NWD2: variants seen among roughly 807,000 people sequenced by gnomAD.
The protein encoded by NWD2 is NACHT and WD repeat domain-containing protein 2.
In NWD2, 37 loss-of-function variants were observed where a neutral mutation model predicts 132.7. The ratio of observed to expected loss-of-function variants is 0.28; its 90% CI spans 0.21 to 0.37. The LOEUF is 0.37. Among genes scored for constraint, NWD2 ranks in the 10% least tolerant of loss-of-function variants. NWD2 has a pLI of 1.00. For missense variants in NWD2, 1,592 were observed against 2,122.4 expected (o/e 0.75, Z 4.91); for synonymous variants, 705 against 803.0 (o/e 0.88, Z 2.06).
chr4:37,420,598 G>A (rs565288927), intron 3 of NWD2, among the ~76,000 whole-genome samples: 385 of 152,300 alleles, frequency 2.5e-3, no homozygotes, highest in Middle Eastern at 0.024. Context: ...CAGGAGAATC[G>A]CTTGAACCCA....
rs924128070 is a variant in NWD2, at chr4:37,410,338, A to G, written c.358-20234A>G. Among the ~76,000 whole-genome samples, 36 of 152,282 alleles carry G rather than the reference A, an allele frequency of 2.4e-4. 1 individual carries two copies. Among genetic ancestry groups the G allele is most frequent in the Non-Finnish European group, 4.4e-4 (30 of 68,022 alleles). Reference sequence around the variant, plus strand: ...ACCAAGCAAATGGAAAGCAAAAAAAAGGCAGGAGTTGCAATCCTAATCTGT... The same window carrying G: ...ACCAAGCAAATGGAAAGCAAAAAAAGGGCAGGAGTTGCAATCCTAATCTGT... On this transcript the variant is annotated intron_variant, in intron 3 of 6. Coordinates refer to ENST00000309447, the MANE Select transcript of NWD2 (RefSeq NM_001144990.2).
At position 37,381,136 on chromosome 4, in the gene NWD2, G is replaced by T. The variant is rs140492495; in HGVS notation, c.357+24654G>T. Among the ~76,000 whole-genome samples the T allele has an allele frequency of 2.0e-3, 307 of 152,218 alleles. 1 individual carries two copies. The highest frequency in any genetic ancestry group is 3.9e-3 in the South Asian group (19 of 4,826). Reference sequence around the variant, plus strand: ...CCCCCAAGCCCTAGCCCCACCCCAAGAAGCCTGAAATGTGCCCTGTGGAGG... The same window carrying T: ...CCCCCAAGCCCTAGCCCCACCCCAATAAGCCTGAAATGTGCCCTGTGGAGG... On this transcript the variant is annotated intron_variant, in intron 3 of 6. Coordinates refer to ENST00000309447, the MANE Select transcript of NWD2 (RefSeq NM_001144990.2).
At chr4:37,330,016 T>A (rs571534430) in intron 2 of NWD2, among the ~76,000 whole-genome samples, 105 of 152,348 alleles carry the variant, frequency 6.9e-4, no homozygotes, top group African/African-American at 2.5e-3. Context: ...GTTCAGTCTT[T>A]ATTCAATTAA....
intron 3 of NWD2, among the ~76,000 whole-genome samples, chr4:37,365,675 A>C (rs563065225): frequency 6.6e-5 from 10 of 152,330 alleles, no homozygotes; most frequent in African/African-American, 2.4e-4. Flanking sequence ...AACATGGAAA[A>C]TTAGCTTTCT....
chr4:37,283,778 A>G (rs1718174545), intron 1 of NWD2, among the ~76,000 whole-genome samples: 1 of 152,160 alleles, frequency 6.6e-6, no homozygotes, highest in Non-Finnish European at 1.5e-5. Flanking sequence ...GAAAACCAGT[A>G]TCTCTGGGGA....
chr4:37,348,675 T>TATACACACACACACACACAC (rs1308407988), intron 2 of NWD2, among the ~76,000 whole-genome samples: 4 of 22,574 alleles, frequency 1.8e-4, no homozygotes, highest in African/African-American at 7.2e-4. Flanking sequence ...TATATATATA[T>TATACACACACACACACACAC]ACACACACAC....
intron 1 of NWD2, among the ~76,000 whole-genome samples, chr4:37,264,746 TTATG>T (rs1321572911): frequency 6.6e-6 from 1 of 152,092 alleles, no homozygotes; most frequent in Non-Finnish European, 1.5e-5. Context: ...CAGTTATAGT[TTATG>T]TAAACATTTA....
chr4:37,323,284 T>C (rs1250564777), intron 1 of NWD2, among the ~76,000 whole-genome samples: 1 of 152,102 alleles, frequency 6.6e-6, no homozygotes, highest in African/African-American at 2.4e-5. Context: ...TGGAAGAAAA[T>C]ATTCACAAAC....
chr4:37,405,981 T>C (rs1486215610), intron 3 of NWD2, among the ~76,000 whole-genome samples: 1 of 152,210 alleles, frequency 6.6e-6, no homozygotes, highest in Non-Finnish European at 1.5e-5. Flanking sequence ...TGTAATTTCT[T>C]CACTAATTAA....
intron 2 of NWD2, among the ~76,000 whole-genome samples, chr4:37,352,532 G>T (rs1719790686): frequency 6.6e-6 from 1 of 152,218 alleles, no homozygotes; most frequent in Admixed American, 6.5e-5. Context: ...CTTGCTTTAT[G>T]AATCTGGGTG....
At chr4:37,331,927 T>C (rs1719301184) in intron 2 of NWD2, among the ~76,000 whole-genome samples, 2 of 152,236 alleles carry the variant, frequency 1.3e-5, no homozygotes, top group South Asian at 4.1e-4. Context: ...TTACTGCCCC[T>C]GTCACAGCAG....
intron 2 of NWD2, among the ~76,000 whole-genome samples, chr4:37,330,669 A>G (rs914266051): frequency 6.6e-6 from 1 of 152,182 alleles, no homozygotes; most frequent in Non-Finnish European, 1.5e-5. Flanking sequence ...CTTGAGGAAG[A>G]GACTGGTTCT....
intron 5 of NWD2, among the ~76,000 whole-genome samples, chr4:37,436,699 G>A (rs946555302): frequency 2.6e-5 from 4 of 152,104 alleles, no homozygotes; most frequent in African/African-American, 9.7e-5. Flanking sequence ...GATGCTCTCA[G>A]AATGTAGCAA....
chr4:37,343,983 A>G (rs1042727198), intron 2 of NWD2, among the ~76,000 whole-genome samples: 1 of 152,176 alleles, frequency 6.6e-6, no homozygotes, highest in African/African-American at 2.4e-5. Flanking sequence ...TTTTAAAACA[A>G]CTGAGATGGT....
intron 2 of NWD2, among the ~76,000 whole-genome samples, chr4:37,351,250 A>G (rs1008748502): frequency 1.4e-4 from 22 of 152,182 alleles, no homozygotes; most frequent in Admixed American, 7.9e-4. Flanking sequence ...TTTCAGAAGG[A>G]ATGGTGCCAG....
chr4:37,335,844 A>G (rs1049088514), intron 2 of NWD2, among the ~76,000 whole-genome samples: 82 of 148,710 alleles, frequency 5.5e-4, no homozygotes, highest in African/African-American at 2.0e-3. Context: ...GACTGCTTTG[A>G]TATAGTACGT....
At chr4:37,433,220 A>G (rs1712226288) in intron 4 of NWD2, among the ~76,000 whole-genome samples, 2 of 152,254 alleles carry the variant, frequency 1.3e-5, no homozygotes, top group African/African-American at 4.8e-5. Context: ...AAATATAGAT[A>G]GCAAAGAACC....
chr4:37,356,832 T>G (rs556201029), intron 3 of NWD2, among the ~76,000 whole-genome samples: 3 of 152,206 alleles, frequency 2.0e-5, no homozygotes, highest in Admixed American at 6.5e-5. Context: ...ATATATTCCA[T>G]CATAGTGCTT....
intron 3 of NWD2, among the ~76,000 whole-genome samples, chr4:37,389,319 A>G (rs929804715): frequency 6.6e-6 from 1 of 152,166 alleles, no homozygotes. Context: ...ATTCATGGGG[A>G]AAAAGAAAAT....
Sources: allele counts gnomAD v4.1 joint callset (sites outside exome capture counted in the v4.1 genomes callset), GRCh38; gene constraint gnomAD v4.1.1; transcripts MANE v1.5; gene names NCBI Gene and HGNC (gene_info 2026-07-23, HGNC 2026-07-21).